TTC29: variants seen among roughly 807,000 people sequenced by gnomAD.
The protein encoded by TTC29 is tetratricopeptide repeat domain 29.
A neutral mutation model predicts 58.1 loss-of-function variants in TTC29; 49 were observed. That is an observed-to-expected ratio of 0.84 (90% CI 0.67 to 1.07). The LOEUF is 1.07. Ranked by LOEUF, TTC29 falls within the 50% of genes least tolerant of loss-of-function variation. The probability of loss-of-function intolerance (pLI) is 0.00; values close to 1 mark genes in which losing one functional copy is unlikely to be tolerated. For synonymous variants in TTC29, 209 were observed against 196.8 expected (o/e 1.06, Z -0.52); for missense variants, 582 against 555.6 (o/e 1.05, Z -0.48).
chr4:146,914,565 G>A (rs1734096137), intron 4 of TTC29, among the ~76,000 whole-genome samples: 1 of 152,070 alleles, frequency 6.6e-6, no homozygotes. Context: ...TCATCTGACA[G>A]GAAAAAAACG....
chr4:146,837,894 C>G (rs556639513), intron 8 of TTC29, among the ~76,000 whole-genome samples: 130 of 151,954 alleles, frequency 8.6e-4, no homozygotes, highest in Non-Finnish European at 1.4e-3. Context: ...CCAACTTAAC[C>G]TTTGGCAAAA....
intron 6 of TTC29, among the ~76,000 whole-genome samples, chr4:146,901,055 C>T (rs28713589): frequency 0.46 from 69,924 of 151,738 alleles, 16,713 homozygotes; most frequent in African/African-American, 0.57. Flanking sequence ...GGGTCAGTAA[C>T]TGACAGTTCC....
At chr4:146,825,623 T>A (rs1009076657) in intron 9 of TTC29, among the ~76,000 whole-genome samples, 4 of 152,210 alleles carry the variant, frequency 2.6e-5, no homozygotes, top group Admixed American at 6.5e-5. Flanking sequence ...TAGGTCCACT[T>A]GATCCAGAGC....
At chr4:146,750,021 T>C (rs1003345245) in intron 11 of TTC29, among the ~76,000 whole-genome samples, 2 of 152,178 alleles carry the variant, frequency 1.3e-5, no homozygotes, top group African/African-American at 4.8e-5. Flanking sequence ...CCTGCTTTTT[T>C]TTTGAGATGG....
intron 11 of TTC29, among the ~76,000 whole-genome samples, chr4:146,724,585 C>G (rs1743629052): frequency 6.6e-6 from 1 of 151,810 alleles, no homozygotes; most frequent in African/African-American, 2.4e-5. Context: ...CACAAGTTGG[C>G]TCACTGCAAC....
chr4:146,931,770 G>A (rs1397968564), intron 4 of TTC29, among the ~76,000 whole-genome samples: 2 of 152,096 alleles, frequency 1.3e-5, no homozygotes, highest in African/African-American at 4.8e-5. Context: ...AAACGCCTAA[G>A]AACTTGGCAT....
At chr4:146,737,068 A>G (rs1744758030) in intron 11 of TTC29, among the ~76,000 whole-genome samples, 1 of 152,174 alleles carries the variant, frequency 6.6e-6, no homozygotes, top group Non-Finnish European at 1.5e-5. Flanking sequence ...AAAACAGATC[A>G]TCTTGGTGGG....
chr4:146,859,742 G>T (rs893525370), intron 8 of TTC29, among the ~76,000 whole-genome samples: 9 of 151,964 alleles, frequency 5.9e-5, no homozygotes, highest in African/African-American at 2.2e-4. Flanking sequence ...TTGGGTTTAG[G>T]GAGTGACATA....
chr4:146,883,591 A>G (rs777518258), intron 6 of TTC29, among the ~76,000 whole-genome samples: 6 of 152,074 alleles, frequency 3.9e-5, no homozygotes, highest in African/African-American at 7.2e-5. Context: ...GTACCTCTGA[A>G]GAGATATTTT....
At chr4:146,858,532 T>C (rs1352502624) in intron 8 of TTC29, among the ~76,000 whole-genome samples, 1 of 152,192 alleles carries the variant, frequency 6.6e-6, no homozygotes, top group African/African-American at 2.4e-5. Context: ...TTTGTTCCTA[T>C]GCTAACTAGG....
At chr4:146,709,391 C>T (rs1742321519) in intron 11 of TTC29, among the ~76,000 whole-genome samples, 1 of 152,138 alleles carries the variant, frequency 6.6e-6, no homozygotes, top group Non-Finnish European at 1.5e-5. Context: ...ATTCTACCAC[C>T]TTTTCATTGT....
chr4:146,835,128 A>T (rs1728420821), intron 8 of TTC29, among the ~76,000 whole-genome samples: 1 of 152,182 alleles, frequency 6.6e-6, no homozygotes, highest in African/African-American at 2.4e-5. Flanking sequence ...TTCTTTTAGC[A>T]ATTTTGAAAT....
At chr4:146,814,505 A>G (rs1320987272) in intron 10 of TTC29, among the ~76,000 whole-genome samples, 1 of 152,080 alleles carries the variant, frequency 6.6e-6, no homozygotes, top group African/African-American at 2.4e-5. Flanking sequence ...AAGTGGGCGG[A>G]TCATGAGGTC....
In TTC29 at chr4:146,717,520, C is replaced by T. The variant is rs780592312; in HGVS notation, c.1331-9969G>A. Reference sequence around the variant, plus strand: ...CTTGAACTCCTGACCTCAGGTGATCCGCCCACCTCAGCCTCCCAAAGTGCT... The same window carrying T: ...CTTGAACTCCTGACCTCAGGTGATCTGCCCACCTCAGCCTCCCAAAGTGCT... On this transcript the variant is annotated intron_variant, in intron 11 of 12. Coordinates refer to ENST00000325106, the MANE Select transcript of TTC29 (RefSeq NM_031956.4). Among the ~76,000 whole-genome samples, 7 of 152,046 alleles carry T rather than the reference C, an allele frequency of 4.6e-5. 1 individual carries two copies. The highest frequency in any genetic ancestry group is 8.8e-5 in the Non-Finnish European group (6 of 68,008).
intron 11 of TTC29, among the ~76,000 whole-genome samples, chr4:146,753,551 G>GAT (rs1170120541): frequency 1.3e-5 from 2 of 152,088 alleles, no homozygotes; most frequent in East Asian, 1.9e-4. Flanking sequence ...CCTATTGCTG[G>GAT]ATATATATAC....
chr4:146,857,298 G>GTGTGTGTGTGTGTGTGTGTGTA (rs1561193683), intron 8 of TTC29, among the ~76,000 whole-genome samples: 1 of 151,628 alleles, frequency 6.6e-6, no homozygotes, highest in African/African-American at 2.4e-5. Context: ...GTGTGTGTGT[G>GTGTGTGTGTGTGTGTGTGTGTA]GAGGGTAATG....
intron 6 of TTC29, among the ~76,000 whole-genome samples, chr4:146,888,334 C>T (rs746109363): frequency 1.3e-5 from 2 of 151,986 alleles, no homozygotes; most frequent in Admixed American, 6.6e-5. Context: ...TGAAGAGAGA[C>T]GCTAAAGGAA....
intron 4 of TTC29, among the ~76,000 whole-genome samples, chr4:146,910,171 AG>A (rs1319168880): frequency 6.6e-6 from 1 of 151,996 alleles, no homozygotes; most frequent in Non-Finnish European, 1.5e-5. Context: ...TTCACCGTGG[AG>A]TGGAAACAGC....
At chr4:146,802,574 C>T (rs982388547) in intron 11 of TTC29, among the ~76,000 whole-genome samples, 4 of 152,150 alleles carry the variant, frequency 2.6e-5, no homozygotes, top group African/African-American at 7.2e-5. Context: ...CTATTATTTA[C>T]AATTTATTCT....
Sources: gnomAD v4.1 joint callset for allele counts (sites outside exome capture counted in the v4.1 genomes callset) on GRCh38, gnomAD v4.1.1 for gene constraint, MANE v1.5 for transcripts, NCBI Gene and HGNC (gene_info 2026-07-23, HGNC 2026-07-21) for gene names.